The following TRAF3IP3 variants were observed in gnomAD, a reference collection of about 807,000 sequenced individuals.
The protein encoded by TRAF3IP3 is TRAF3-interacting JNK-activating modulator.
In TRAF3IP3, 64 loss-of-function variants were observed where a neutral mutation model predicts 86.5. The observed-to-expected ratio is 0.74, with a 90% CI of 0.60 to 0.91. The LOEUF (loss-of-function observed/expected upper bound fraction) is 0.91. Among genes scored for constraint, TRAF3IP3 ranks in the 40% least tolerant of loss-of-function variants. The probability of loss-of-function intolerance (pLI) is 0.00; values close to 1 mark genes in which losing one functional copy is unlikely to be tolerated. For missense variants in TRAF3IP3, 579 were observed against 642.9 expected, an observed-to-expected ratio of 0.90 and a Z score of 1.07; for synonymous variants, 220 against 243.9, an observed-to-expected ratio of 0.90 and a Z score of 0.91.
chr1:209,772,263 C>T (rs1241344866), intron 8 of TRAF3IP3, among the ~76,000 whole-genome samples: 3 of 152,178 alleles, frequency 2.0e-5, no homozygotes, highest in African/African-American at 7.2e-5. Context: ...CTCTTCCTGG[C>T]TTACAGATTG....
At chr1:209,772,865 G>C (rs2077575693) in intron 8 of TRAF3IP3, 83 bp from the exon 9 acceptor site, 1 of 1,199,030 alleles carries the variant, frequency 8.3e-7, no homozygotes, top group Admixed American at 1.8e-5. Context: ...CCATGTGCTG[G>C]GCAGTAGAAT....
chr1:209,756,666 G>T (rs1398891858), intron 1 of TRAF3IP3, among the ~76,000 whole-genome samples: 2 of 152,206 alleles, frequency 1.3e-5, no homozygotes, highest in Non-Finnish European at 2.9e-5. Context: ...CTTCCCAGCA[G>T]CTTAAGCGCA....
intron 16 of TRAF3IP3, chr1:209,781,771 CAAAG>C: frequency 2.0e-6 from 1 of 494,498 alleles, no homozygotes; most frequent in East Asian, 3.5e-5. Context: ...CTGGGGAATA[CAAAG>C]AAAGAATATA....
At chr1:209,780,363 C>A in intron 14 of TRAF3IP3, 107 bp from the exon 15 acceptor site, 1 of 1,105,866 alleles carries the variant, frequency 9.0e-7, no homozygotes, top group Non-Finnish European at 1.2e-6. Flanking sequence ...CAAGAGCACG[C>A]CCTCCCAAGT....
chr1:209,781,399 C>A lies in TRAF3IP3; in HGVS notation c.1504C>A (p.Leu502Met). The change falls in exon 16 of 17, where the codon CTG becomes ATG. Residue 502 changes from leucine to methionine, a missense_variant. Coordinates refer to ENST00000367025, the MANE Select transcript of TRAF3IP3 (RefSeq NM_025228.4). ...CCTCAGTGACGAGTATCTCTCCTGC[C>A]TGCGTAAGCTGCAGCACTGTCGAGA... ...DNLSDEYLSCLRKLQHCREEL... is the reference protein window; with the variant it reads ...DNLSDEYLSCMRKLQHCREEL... 6.2e-7 allele frequency: 1 copy of A among 1,613,794 alleles called. No individual in the cohort carries two copies. Among genetic ancestry groups the A allele is most frequent in the East Asian group, 2.2e-5 (1 of 44,882 alleles).
intron 8 of TRAF3IP3, among the ~76,000 whole-genome samples, chr1:209,765,719 G>T (rs1421823807): frequency 6.6e-6 from 1 of 152,078 alleles, no homozygotes; most frequent in Non-Finnish European, 1.5e-5. Flanking sequence ...TTAGTGACAG[G>T]AGTATCATTG....
intron 3 of TRAF3IP3, among the ~76,000 whole-genome samples, chr1:209,761,251 C>T (rs2077239825): frequency 6.6e-6 from 1 of 152,236 alleles, no homozygotes; most frequent in Non-Finnish European, 1.5e-5. Context: ...TCCCTGGCTT[C>T]TCCAGGCCAC....
At chr1:209,780,203 C>A in intron 14 of TRAF3IP3, 1 of 248,636 alleles carries the variant, frequency 4.0e-6, no homozygotes, top group African/African-American at 2.2e-5. Context: ...GAAGTATTCA[C>A]TAAAACTATC....
chr1:209,765,227 GAGGAAGGAAGGAAGGAAGGA>G (rs60018350), intron 8 of TRAF3IP3, among the ~76,000 whole-genome samples: 40 of 58,300 alleles, frequency 6.9e-4, no homozygotes, highest in South Asian at 1.8e-3. Context: ...GAGAGAGAGA[GAGGAAGGAAGGAAGGAAGGA>G]AGGAAGGAAG....
chr1:209,759,763 G>A (rs189730129), intron 2 of TRAF3IP3, among the ~76,000 whole-genome samples: 34 of 152,248 alleles, frequency 2.2e-4, no homozygotes, highest in Middle Eastern at 3.4e-3. Flanking sequence ...GGGAAACATC[G>A]GCTAGAGAAA....
In TRAF3IP3 at chr1:209,762,890, C is replaced by T. The variant is rs370215722; in HGVS notation, c.551+20C>T. ...AACCAAGTGAGTTCCTGACCCTAAC[C>T]CTCTCACATCCCATCCATTCCTCTC... On this transcript the variant is annotated intron_variant, in intron 5 of 16. Transcript: ENST00000367025. 91 of 1,613,840 alleles carry T rather than the reference C, an allele frequency of 5.6e-5. No homozygotes were observed. The highest frequency in any genetic ancestry group is 7.2e-5 in the Non-Finnish European group (85 of 1,179,816).
Position 209,782,262 on chromosome 1 carries a change from CTT to C in TRAF3IP3, c.*118_*119del. On this transcript the variant is annotated 3_prime_UTR_variant, in exon 17 of 17. Transcript: ENST00000367025. ...TTTCCAACTGACTTAGGATTTCTGA[CTT>C]TTTATTAATTTCTTAACCTACTGTA... The C allele has an allele frequency of 1.3e-6, 1 of 784,460 alleles. No homozygotes were observed. The highest frequency in any genetic ancestry group is 2.2e-6 in the Non-Finnish European group (1 of 458,756). The allele number at this position is 784,460 out of a possible 1,614,324, so 48.6% of individuals were successfully genotyped here.
chr1:209,773,420 T>A (rs1481537593), intron 9 of TRAF3IP3, among the ~76,000 whole-genome samples: 1 of 152,230 alleles, frequency 6.6e-6, no homozygotes, highest in Non-Finnish European at 1.5e-5. Flanking sequence ...CAAAATTATT[T>A]TCATTCCATG....
At position 209,777,422 on chromosome 1, in the gene TRAF3IP3, A is replaced by G; in HGVS notation, c.1124A>G (p.Gln375Arg). ...RFLENEHQQL[Q>R]AKIECLQGDR... ...TTGGAAAATGAGCACCAGCAACTGC[A>G]GGCCAAGATTGAATGCCTGCAAGGG... Residue 375 changes from glutamine (Q) to arginine (R), a missense_variant, in exon 12 of 17, where the codon CAG becomes CGG. Gln to Arg is a conservative substitution (Grantham distance 43). Transcript: ENST00000367025. The G allele has an allele frequency of 1.2e-6, 2 of 1,614,114 alleles. No individual in the cohort carries two copies. The highest frequency in any genetic ancestry group is 1.7e-6 in the Non-Finnish European group (2 of 1,180,016).
chr1:209,759,919 G>T, intron 2 of TRAF3IP3, 63 bp from the exon 3 acceptor site: 2 of 765,792 alleles, frequency 2.6e-6, no homozygotes, highest in Non-Finnish European at 4.4e-6. Context: ...GGTCTAGGGA[G>T]ATAGTCATTT....
intron 14 of TRAF3IP3, chr1:209,779,788 A>T (rs2077738324): frequency 2.2e-6 from 1 of 462,268 alleles, no homozygotes; most frequent in African/African-American, 2.0e-5. Flanking sequence ...CTGAGAATTC[A>T]CTGTGTATAC....
At chr1:209,780,217 C>A in intron 14 of TRAF3IP3, 1 of 281,486 alleles carries the variant, frequency 3.6e-6, no homozygotes. Context: ...AACTATCTAG[C>A]ACTAGATAAG....
chr1:209,776,598 T>C (rs2077658759), intron 11 of TRAF3IP3: 1 of 151,938 alleles, frequency 6.6e-6, no homozygotes, highest in African/African-American at 2.4e-5. Flanking sequence ...CCTATGAAGA[T>C]TTTTGTGAGG....
chr1:209,764,254 C>T (rs888843299), intron 8 of TRAF3IP3, among the ~76,000 whole-genome samples: 6 of 152,012 alleles, frequency 3.9e-5, no homozygotes, highest in Non-Finnish European at 5.9e-5. Context: ...AGAAGGCTCA[C>T]GGTTTTGTAA....
Sources: allele counts gnomAD v4.1 joint callset (sites outside exome capture counted in the v4.1 genomes callset), GRCh38; gene constraint gnomAD v4.1.1; transcripts MANE v1.5; gene names NCBI Gene and HGNC (gene_info 2026-07-23, HGNC 2026-07-21).